CPVL: variants seen among roughly 807,000 people sequenced by gnomAD.
CPVL encodes the protein probable serine carboxypeptidase CPVL.
Under a neutral mutation model 63.7 loss-of-function variants are expected in CPVL, and 51 were observed. The observed-to-expected ratio is 0.80, with a 90% confidence interval of 0.64 to 1.01. CPVL has a LOEUF of 1.01. CPVL is among the 50% of genes least tolerant of loss of function. CPVL has a pLI of 0.00. For synonymous variants in CPVL, 195 were observed against 206.0 expected (o/e 0.95, Z 0.46); for missense variants, 530 against 573.1 (o/e 0.92, Z 0.77).
intron 12 of CPVL, among the ~76,000 whole-genome samples, chr7:29,024,470 T>TA (rs1443737252): frequency 1.3e-5 from 2 of 152,146 alleles, no homozygotes; most frequent in Admixed American, 6.5e-5. Context: ...TTGCAAGAGA[T>TA]ATAGGCATCT....
intron 11 of CPVL, among the ~76,000 whole-genome samples, chr7:29,062,460 G>C (rs772052891): frequency 6.6e-5 from 10 of 152,196 alleles, no homozygotes. Context: ...TTCTTTCCAA[G>C]AAAGTAAGTA....
chr7:29,146,674 G>C (rs1792735660), upstream of CPVL: 1 of 1,550,438 alleles, frequency 6.4e-7, no homozygotes, highest in South Asian at 1.2e-5. Flanking sequence ...CGCTTCCCAT[G>C]CTGGAAGAAG....
intron 5 of CPVL, among the ~76,000 whole-genome samples, chr7:29,154,867 AC>A (rs1794118332): frequency 6.6e-6 from 1 of 152,040 alleles, no homozygotes; most frequent in South Asian, 2.1e-4. Context: ...ATAAAGACAT[AC>A]TCGAGACTGG....
upstream of CPVL, among the ~76,000 whole-genome samples, chr7:29,147,605 T>A (rs1792938353): frequency 6.6e-6 from 1 of 152,210 alleles, no homozygotes; most frequent in African/African-American, 2.4e-5. Flanking sequence ...GCACAAAGTA[T>A]GTGCTCAGTG....
chr7:29,132,316 G>A (rs1363610803), intron 1 of CPVL, among the ~76,000 whole-genome samples: 1 of 152,148 alleles, frequency 6.6e-6, no homozygotes, highest in African/African-American at 2.4e-5. Flanking sequence ...GGCTCGTGCT[G>A]GGTATTGAAA....
intron 12 of CPVL, among the ~76,000 whole-genome samples, chr7:29,007,553 A>T (rs528526665): frequency 7.2e-5 from 11 of 152,338 alleles, no homozygotes; most frequent in Admixed American, 3.3e-4. Context: ...TTTGTGTCCC[A>T]GAATATTTCT....
At chr7:29,160,268 G>A (rs1463458492) in intron 5 of CPVL, among the ~76,000 whole-genome samples, 1 of 152,180 alleles carries the variant, frequency 6.6e-6, no homozygotes, top group Non-Finnish European at 1.5e-5. Context: ...ACAGACATGA[G>A]CAGTACATTC....
chr7:29,021,341 G>C (rs1004884811), intron 12 of CPVL, among the ~76,000 whole-genome samples: 1 of 152,080 alleles, frequency 6.6e-6, no homozygotes, highest in Admixed American at 6.6e-5. Flanking sequence ...AAAACCCTCC[G>C]TTGGAGGGGC....
At chr7:28,997,247 A>C (rs1784173952) in intron 12 of CPVL, among the ~76,000 whole-genome samples, 1 of 152,208 alleles carries the variant, frequency 6.6e-6, no homozygotes, top group Non-Finnish European at 1.5e-5. Context: ...GTACCAGTGC[A>C]TGAAGTGAAT....
rs1369974442 is a variant in CPVL, at chr7:29,138,481, G to A, written c.-11+7948C>T. ...GAAGAAGAAGAAGAAAGTAAAACTG[G>A]AAGAAACTTGTGATTATATATTAGA... On this transcript the variant is annotated intron_variant, in intron 1 of 12. Transcript: ENST00000265394. 3.9e-5 allele frequency among the ~76,000 whole-genome samples: 6 copies of A among 152,032 alleles called. No homozygotes were observed. The South Asian group carries it at 1.2e-3, about 32-fold the overall frequency.
intron 11 of CPVL, among the ~76,000 whole-genome samples, chr7:29,052,297 A>T (rs948028346): frequency 3.3e-5 from 5 of 151,944 alleles, no homozygotes; most frequent in African/African-American, 1.2e-4. Flanking sequence ...GGGGAAAAAA[A>T]TTTTTATAAA....
At chr7:29,084,965 C>T (rs1453131389) in intron 7 of CPVL, among the ~76,000 whole-genome samples, 2 of 152,138 alleles carry the variant, frequency 1.3e-5, no homozygotes, top group African/African-American at 4.8e-5. Flanking sequence ...GAACCACAGC[C>T]CTCAATGTGG....
At position 28,995,312 on chromosome 7, in the gene CPVL, C is replaced by CTATT. The variant is rs1397942220; in HGVS notation, c.*456_*459dup. The CTATT allele has an allele frequency of 6.5e-6, 1 of 153,276 alleles. No homozygotes were observed. Among genetic ancestry groups the CTATT allele is most frequent in the African/African-American group, 2.4e-5 (1 of 41,474 alleles). 9.5% of individuals were successfully genotyped at this position (153,276 alleles called of 1,614,324 possible). A position where few individuals can be genotyped will look rare whatever the true frequency, so the allele number is the denominator to read the frequency against. ...ACATTTGAGAATCTTTTCCCCAAAA[C>CTATT]TATTATAGCTTCATCCATTTATTTG... is the stretch of plus-strand genomic sequence containing the variant. On this transcript the variant is annotated 3_prime_UTR_variant, in exon 13 of 13. Coordinates refer to ENST00000265394, the MANE Select transcript of CPVL (RefSeq NM_031311.5).
intron 12 of CPVL, among the ~76,000 whole-genome samples, chr7:29,023,891 C>T (rs1018898284): frequency 6.6e-6 from 1 of 152,154 alleles, no homozygotes; most frequent in African/African-American, 2.4e-5. Context: ...GGGACTGTTA[C>T]ACCAGATTCA....
At chr7:29,149,286 G>A (rs749364581), upstream of CPVL, among the ~76,000 whole-genome samples, 38 of 135,282 alleles carry the variant, frequency 2.8e-4, no homozygotes, top group Non-Finnish European at 3.2e-4. Flanking sequence ...TCCACCTCCC[G>A]GGTTCAAGCG....
At chr7:29,109,336 T>C (rs1584286921) in intron 3 of CPVL, among the ~76,000 whole-genome samples, 1 of 152,170 alleles carries the variant, frequency 6.6e-6, no homozygotes, top group South Asian at 2.1e-4. Context: ...CAAAAAATAC[T>C]CAGAGGATAT....
At chr7:29,178,520 A>C (rs1259482500) in intron 5 of CPVL, among the ~76,000 whole-genome samples, 2 of 152,188 alleles carry the variant, frequency 1.3e-5, no homozygotes, top group African/African-American at 4.8e-5. Flanking sequence ...GTCTCTGCTG[A>C]AATGTCACAT....
intron 2 of CPVL, among the ~76,000 whole-genome samples, chr7:29,119,346 G>A (rs775450766): frequency 6.6e-6 from 1 of 152,094 alleles, no homozygotes; most frequent in Non-Finnish European, 1.5e-5. Context: ...AATTAGCCGG[G>A]CGTGGTAGCA....
Position 29,064,053 on chromosome 7 carries a change from T to A in CPVL, c.1137+8A>T. On this transcript the variant is annotated splice_region_variant and intron_variant, in intron 11 of 12. Coordinates refer to ENST00000265394, the MANE Select transcript of CPVL (RefSeq NM_031311.5). ...TTCCTAAAATAGTAACTGAAGTAGC[T>A]CTCTTACCTTATAATTATTCATGAT... 6.3e-7 allele frequency: 1 copy of A among 1,595,090 alleles called. No individual in the cohort carries two copies. Among genetic ancestry groups the A allele is most frequent in the Non-Finnish European group, 8.6e-7 (1 of 1,164,514 alleles).
Sources: allele counts gnomAD v4.1 joint callset (sites outside exome capture counted in the v4.1 genomes callset), GRCh38; gene constraint gnomAD v4.1.1; transcripts MANE v1.5; gene names NCBI Gene and HGNC (gene_info 2026-07-23, HGNC 2026-07-21).